The following LZTFL1 variants were observed in gnomAD, a reference collection of about 807,000 sequenced individuals.
LZTFL1 encodes the protein leucine zipper transcription factor like 1, also known as leucine zipper transcription factor-like protein 1.
LZTFL1 carries 25 observed loss-of-function variants against 45.9 expected under a neutral mutation model. The observed-to-expected ratio is 0.54, with a 90% confidence interval of 0.40 to 0.76. LZTFL1 has a LOEUF of 0.76. Ranked by LOEUF, LZTFL1 falls within the 30% of genes least tolerant of loss-of-function variation. The pLI, the probability that LZTFL1 is intolerant of heterozygous loss-of-function variation, is 0.00. For missense variants in LZTFL1, 277 were observed against 331.1 expected, an observed-to-expected ratio of 0.84 and a Z score of 1.27; for synonymous variants, 93 against 117.4, an observed-to-expected ratio of 0.79 and a Z score of 1.35.
intron 2 of LZTFL1, among the ~76,000 whole-genome samples, chr3:45,863,511 C>A (rs1473703011): frequency 6.6e-6 from 1 of 152,152 alleles, no homozygotes; most frequent in Non-Finnish European, 1.5e-5. Context: ...ACCACCATCA[C>A]CCTCACCTAA....
chr3:45,883,991 G>C (rs1020025526), intron 2 of LZTFL1: 15 of 292,874 alleles, frequency 5.1e-5, no homozygotes, highest in Admixed American at 4.0e-4. Flanking sequence ...ACGCCATTCT[G>C]GGGTAGGTTG....
At chr3:45,889,132 A>G (rs1702068711) in intron 2 of LZTFL1, among the ~76,000 whole-genome samples, 1 of 152,168 alleles carries the variant, frequency 6.6e-6, no homozygotes, top group South Asian at 2.1e-4. Context: ...ACTACAGGGT[A>G]GGCAACCATG....
chr3:45,858,698 AAGAT>A (rs1701433153), intron 3 of LZTFL1, among the ~76,000 whole-genome samples: 1 of 152,222 alleles, frequency 6.6e-6, no homozygotes, highest in African/African-American at 2.4e-5. Context: ...CCAAAAGAGA[AAGAT>A]AGAGAATTTT....
At chr3:45,886,466 G>A (rs1413708383) in intron 2 of LZTFL1, 1 of 152,174 alleles carries the variant, frequency 6.6e-6, no homozygotes, top group East Asian at 1.9e-4. Flanking sequence ...ACCCTCTTGG[G>A]CTACCCCACC....
At chr3:45,858,652 T>A (rs1220820351) in intron 3 of LZTFL1, among the ~76,000 whole-genome samples, 1 of 152,208 alleles carries the variant, frequency 6.6e-6, no homozygotes, top group East Asian at 1.9e-4. Context: ...TAAGAAGCTA[T>A]AGACACAACT....
exon 1 of LZTFL1, chr3:45,915,527 A>AT (rs1233812207): frequency 4.4e-6 from 2 of 455,848 alleles, no homozygotes; most frequent in Non-Finnish European, 4.4e-6. Flanking sequence ...TCCTGAAATC[A>AT]TTTTTTCTGT....
intron 2 of LZTFL1, among the ~76,000 whole-genome samples, chr3:45,912,622 G>A (rs959779977): frequency 1.3e-5 from 2 of 152,212 alleles, no homozygotes; most frequent in East Asian, 3.9e-4. Context: ...GTCTGGCCAA[G>A]ACCATCCTAG....
At position 45,841,429 on chromosome 3, in the gene LZTFL1, A is replaced by T. The variant is rs1482383786; in HGVS notation, c.3+560T>A. ...ATGTCACCCAAATTCCTCAGCTGTA[A>T]TACGGGGTGCTGGGATTCTTAAAGT... On this transcript the variant is annotated intron_variant, in intron 1 of 9. Transcript: ENST00000296135. Among the ~76,000 whole-genome samples, 3 of 152,346 alleles carry T rather than the reference A, an allele frequency of 2.0e-5. No individual in the cohort carries two copies. The East Asian group carries it at 5.8e-4, about 29-fold the overall frequency.
Position 45,828,541 on chromosome 3 carries a change from T to C in LZTFL1, c.675A>G (p.Thr225=), listed in dbSNP as rs745694278. Residue 225 remains threonine (T), a synonymous_variant, in exon 8 of 10, where the codon ACA becomes ACG. Transcript: ENST00000296135. ...VAALKSEFQK[T]LNDKTENQKS... is the part of the protein sequence containing the mutation. Reference sequence around the variant, plus strand: ...TCTGGTTTTCTGTCTTGTCATTAAGTGTCTTCTGAAACTCACTCTTTAAGG... The same window carrying C: ...TCTGGTTTTCTGTCTTGTCATTAAGCGTCTTCTGAAACTCACTCTTTAAGG... 8 of 1,614,220 alleles carry C rather than the reference T, an allele frequency of 5.0e-6. No homozygotes were observed. In the Admixed American group the frequency reaches 8.3e-5, roughly 17 times the overall value.
chr3:45,912,449 T>C (rs1172860633), intron 2 of LZTFL1, among the ~76,000 whole-genome samples: 4 of 152,214 alleles, frequency 2.6e-5, no homozygotes, highest in Admixed American at 1.3e-4. Context: ...TGACTTGCTC[T>C]GACCAACAGA....
chr3:45,855,540 A>G (rs987085359), intron 3 of LZTFL1, among the ~76,000 whole-genome samples: 3 of 152,184 alleles, frequency 2.0e-5, no homozygotes, highest in Non-Finnish European at 4.4e-5. Context: ...CTTATTCAAC[A>G]TAGTATTGGA....
Position 45,824,184 on chromosome 3 carries a change from C to T in LZTFL1, c.*2130G>A, listed in dbSNP as rs961556023. The T allele has an allele frequency of 2.6e-5, 4 of 152,136 alleles. No individual in the cohort carries two copies. Among genetic ancestry groups the T allele is most frequent in the Non-Finnish European group, 5.9e-5 (4 of 68,026 alleles). 9.4% of individuals were successfully genotyped at this position (152,136 alleles called of 1,614,324 possible). A position where few individuals can be genotyped will look rare whatever the true frequency, so the allele number is the denominator to read the frequency against. On this transcript the variant is annotated 3_prime_UTR_variant, in exon 10 of 10. Transcript: ENST00000296135. ...TGATGGCCATCAATGTACAGACTGC[C>T]TGTCTGGCTTAGCACATCAAAAGTC...
At chr3:45,911,197 G>C (rs958544864) in intron 2 of LZTFL1, among the ~76,000 whole-genome samples, 1 of 152,180 alleles carries the variant, frequency 6.6e-6, no homozygotes, top group Non-Finnish European at 1.5e-5. Context: ...CAAGGGACTC[G>C]AGACTCCACC....
intron 8 of LZTFL1, among the ~76,000 whole-genome samples, chr3:45,828,204 A>G (rs978492539): frequency 2.6e-5 from 4 of 152,216 alleles, no homozygotes; most frequent in Non-Finnish European, 5.9e-5. Context: ...GGAGCATTTC[A>G]CTACACCATA....
At chr3:45,851,898 T>G (rs938196838) in intron 4 of LZTFL1, among the ~76,000 whole-genome samples, 2 of 152,108 alleles carry the variant, frequency 1.3e-5, no homozygotes, top group African/African-American at 4.8e-5. Flanking sequence ...TATATTGACT[T>G]CATAAAAACT....
At chr3:45,841,760 C>A (rs1356852127) in intron 1 of LZTFL1, 6 of 595,766 alleles carry the variant, frequency 1.0e-5, no homozygotes, top group Non-Finnish European at 1.8e-5. Context: ...AGCGATGCGG[C>A]GGAGCTGGGC....
intron 2 of LZTFL1, among the ~76,000 whole-genome samples, chr3:45,898,410 C>A (rs900497934): frequency 2.6e-5 from 4 of 152,248 alleles, no homozygotes; most frequent in African/African-American, 9.6e-5. Flanking sequence ...AGAAACATCT[C>A]TAAGTGTAAA....
intron 4 of LZTFL1, among the ~76,000 whole-genome samples, chr3:45,853,861 TCTC>T (rs375999193): frequency 1.2e-3 from 185 of 152,262 alleles, no homozygotes; most frequent in African/African-American, 4.3e-3. Flanking sequence ...TGCCCTAACT[TCTC>T]CTCTTTATTG....
intron 2 of LZTFL1, among the ~76,000 whole-genome samples, chr3:45,908,971 C>T (rs985394535): frequency 2.0e-5 from 3 of 152,124 alleles, no homozygotes; most frequent in South Asian, 2.1e-4. Context: ...CCTGCATCAC[C>T]GCCTGAGCTT....
Sources: allele counts gnomAD v4.1 joint callset (sites outside exome capture counted in the v4.1 genomes callset), GRCh38; gene constraint gnomAD v4.1.1; transcripts MANE v1.5; gene names NCBI Gene and HGNC (gene_info 2026-07-23, HGNC 2026-07-21).